Variants in KCNQ3 observed in about 807,000 individuals in gnomAD.
The protein encoded by KCNQ3 is potassium voltage-gated channel subfamily Q member 3.
KCNQ3 carries 30 observed loss-of-function variants against 92.5 expected under a neutral mutation model. The observed-to-expected ratio is 0.32, with a 90% CI of 0.24 to 0.44. The LOEUF (loss-of-function observed/expected upper bound fraction) is 0.44, where lower values mean the gene tolerates loss of function less well. KCNQ3 is among the 20% of genes least tolerant of loss of function. KCNQ3 has a pLI of 1.00. For synonymous variants in KCNQ3, 450 were observed against 468.8 expected (o/e 0.96, Z 0.52); for missense variants, 913 against 1,140.3 (o/e 0.80, Z 2.87).
chr8:132,183,644 T>G (rs997876030), intron 3 of KCNQ3, among the ~76,000 whole-genome samples: 4 of 152,192 alleles, frequency 2.6e-5, no homozygotes, highest in Non-Finnish European at 5.9e-5. Flanking sequence ...TCAAACTGCC[T>G]GCACACAAAT....
At chr8:132,428,993 C>T (rs942514469) in intron 1 of KCNQ3, among the ~76,000 whole-genome samples, 56 of 152,152 alleles carry the variant, frequency 3.7e-4, no homozygotes, top group Admixed American at 3.3e-3. Flanking sequence ...GCTTAGTTCC[C>T]GAAGGACGGG....
intron 1 of KCNQ3, among the ~76,000 whole-genome samples, chr8:132,455,519 C>T (rs1821919833): frequency 6.6e-6 from 1 of 152,216 alleles, no homozygotes; most frequent in Admixed American, 6.5e-5. Context: ...ACTCCCTGTA[C>T]CTCCATTTAG....
rs751628183 is a variant in KCNQ3 at position 132,174,305 on chromosome 8, C to T, written c.978G>A (p.Thr326=). The change falls in exon 6 of 15, where the codon ACG becomes ACA. Residue 326 remains threonine (T), a synonymous_variant. Coordinates refer to ENST00000388996, the MANE Select transcript of KCNQ3 (RefSeq NM_004519.4). The stretch of plus-strand genomic sequence containing the variant: ...TGGCGGCAATCAGACGGCCTTCCCA[C>T]GTTTTGGGTGTCTTGTCTCCATAGC... The part of the protein sequence containing the change: ...TIGYGDKTPK[T]WEGRLIAATF... 2.0e-5 allele frequency: 31 copies of T among 1,552,228 alleles called. 1 individual carries two copies. The highest frequency in any genetic ancestry group is 2.0e-4 in the East Asian group (8 of 40,958).
chr8:132,191,785 G>T (rs1037820777), intron 1 of KCNQ3, among the ~76,000 whole-genome samples: 3 of 151,922 alleles, frequency 2.0e-5, no homozygotes, highest in Admixed American at 6.6e-5. Context: ...AGATGACAAG[G>T]GTCCCATGAG....
intron 1 of KCNQ3, among the ~76,000 whole-genome samples, chr8:132,229,171 T>G (rs1320720439): frequency 2.0e-5 from 3 of 151,848 alleles, no homozygotes; most frequent in Non-Finnish European, 4.4e-5. Flanking sequence ...GGAGAATCAC[T>G]TGAACCCGGG....
At chr8:132,295,738 A>G (rs1247805458) in intron 1 of KCNQ3, among the ~76,000 whole-genome samples, 1 of 152,218 alleles carries the variant, frequency 6.6e-6, no homozygotes. Flanking sequence ...TTGCAGGGAC[A>G]TAGATGGAGC....
At chr8:132,288,875 A>G (rs1816757270) in intron 1 of KCNQ3, among the ~76,000 whole-genome samples, 2 of 152,214 alleles carry the variant, frequency 1.3e-5, no homozygotes, top group South Asian at 2.1e-4. Context: ...CATGGTCTGA[A>G]TACTCAAGAG....
intron 1 of KCNQ3, among the ~76,000 whole-genome samples, chr8:132,281,771 G>T (rs1323726235): frequency 2.0e-5 from 3 of 152,122 alleles, no homozygotes; most frequent in Non-Finnish European, 4.4e-5. Context: ...GGTTCATGTA[G>T]ACCTTCAGAT....
intron 1 of KCNQ3, among the ~76,000 whole-genome samples, chr8:132,272,343 T>TCA (rs1044385523): frequency 1.3e-5 from 2 of 152,152 alleles, no homozygotes; most frequent in African/African-American, 4.8e-5. Flanking sequence ...ATCAATGAAC[T>TCA]CACAATTGGT....
At position 132,474,181 on chromosome 8, in the gene KCNQ3, G is replaced by A. The variant is rs73708478; in HGVS notation, c.386+5966C>T. ...AGCCTCAGGACAGTCACAGTGTCAG[G>A]TATGTATGACTTTTAAGGAGATCCC... On this transcript the variant is annotated intron_variant, in intron 1 of 14. Transcript: ENST00000388996. Among the ~76,000 whole-genome samples the A allele has an allele frequency of 6.2e-3, 946 of 152,304 alleles. 7 individuals are homozygous for A. Among genetic ancestry groups the A allele is most frequent in the African/African-American group, 0.022 (900 of 41,562 alleles).
chr8:132,310,152 G>T (rs570893537), intron 1 of KCNQ3, among the ~76,000 whole-genome samples: 7 of 152,182 alleles, frequency 4.6e-5, no homozygotes, highest in Non-Finnish European at 8.8e-5. Flanking sequence ...ATATTCAAGG[G>T]AGCACACTGA....
At chr8:132,441,622 C>A (rs992512353) in intron 1 of KCNQ3, among the ~76,000 whole-genome samples, 6 of 151,886 alleles carry the variant, frequency 4.0e-5, no homozygotes, top group African/African-American at 1.5e-4. Context: ...TATATATATT[C>A]CTTTGGGTAT....
intron 1 of KCNQ3, among the ~76,000 whole-genome samples, chr8:132,352,029 G>A (rs1005613822): frequency 2.0e-5 from 3 of 152,130 alleles, no homozygotes; most frequent in African/African-American, 7.2e-5. Context: ...CATACCATTT[G>A]CCAAGCCATG....
At chr8:132,434,203 G>A (rs1303853467) in intron 1 of KCNQ3, among the ~76,000 whole-genome samples, 30 of 100,986 alleles carry the variant, frequency 3.0e-4, no homozygotes, top group South Asian at 1.8e-3. Flanking sequence ...GCGAGACTCC[G>A]TCTCAAAAAA....
chr8:132,350,190 C>CGT (rs1818817477), intron 1 of KCNQ3, among the ~76,000 whole-genome samples: 1 of 152,118 alleles, frequency 6.6e-6, no homozygotes, highest in Non-Finnish European at 1.5e-5. Flanking sequence ...GAGTTCAGAA[C>CGT]GTGTAATATC....
chr8:132,444,901 G>C (rs1356373031), intron 1 of KCNQ3, among the ~76,000 whole-genome samples: 1 of 152,166 alleles, frequency 6.6e-6, no homozygotes, highest in African/African-American at 2.4e-5. Flanking sequence ...ACAAAGCAGA[G>C]TGCTTTGTAA....
At chr8:132,237,373 A>T (rs1330392123) in intron 1 of KCNQ3, among the ~76,000 whole-genome samples, 2 of 152,148 alleles carry the variant, frequency 1.3e-5, no homozygotes, top group Non-Finnish European at 2.9e-5. Context: ...ATGTCAGTTG[A>T]TTCTCATACC....
chr8:132,409,938 C>A (rs972970013), intron 1 of KCNQ3, among the ~76,000 whole-genome samples: 5 of 152,206 alleles, frequency 3.3e-5, no homozygotes, highest in African/African-American at 1.2e-4. Flanking sequence ...TACTCATACA[C>A]TGAATTTTTG....
intron 1 of KCNQ3, among the ~76,000 whole-genome samples, chr8:132,280,999 A>C (rs1469283246): frequency 6.6e-6 from 1 of 152,168 alleles, no homozygotes; most frequent in East Asian, 1.9e-4. Flanking sequence ...GACCAGAACA[A>C]AGCAATCATC....
Sources: allele counts gnomAD v4.1 joint callset (sites outside exome capture counted in the v4.1 genomes callset), GRCh38; gene constraint gnomAD v4.1.1; transcripts MANE v1.5; gene names NCBI Gene and HGNC (gene_info 2026-07-23, HGNC 2026-07-21).